RNF169: variants seen among roughly 807,000 people sequenced by gnomAD.
RNF169 encodes the protein ring finger protein 169, also known as E3 ubiquitin-protein ligase RNF169.
In RNF169, 24 loss-of-function variants were observed where a neutral mutation model predicts 53.9. The ratio of observed to expected loss-of-function variants is 0.45; its 90% CI spans 0.32 to 0.63. The LOEUF (loss-of-function observed/expected upper bound fraction) is 0.63, where lower values mean the gene tolerates loss of function less well. Ranked by LOEUF, RNF169 falls within the 20% of genes least tolerant of loss-of-function variation. RNF169 has a pLI of 0.04. For missense variants in RNF169, 883 were observed against 906.2 expected (o/e 0.97, Z 0.33); for synonymous variants, 396 against 363.5 (o/e 1.09, Z -1.02).
At chr11:74,810,473 T>A in intron 3 of RNF169, 143 bp downstream of exon 3, 1 of 777,716 alleles carries the variant, frequency 1.3e-6, no homozygotes, top group Non-Finnish European at 2.2e-6. Context: ...GTGAAGAACT[T>A]ACGTCCAGGC....
At chr11:74,776,533 A>AC (rs1208989553) in intron 1 of RNF169, among the ~76,000 whole-genome samples, 2 of 151,722 alleles carry the variant, frequency 1.3e-5, no homozygotes, top group East Asian at 3.9e-4. Context: ...AAAAAAAAAA[A>AC]ATTTAAGCCA....
At chr11:74,783,797 A>G (rs1422814104) in intron 1 of RNF169, among the ~76,000 whole-genome samples, 1 of 152,182 alleles carries the variant, frequency 6.6e-6, no homozygotes, top group African/African-American at 2.4e-5. Flanking sequence ...AAGGAAAGGG[A>G]AGTAAAGAGA....
intron 4 of RNF169, among the ~76,000 whole-genome samples, chr11:74,825,392 T>C (rs1279209783): frequency 6.6e-6 from 1 of 152,114 alleles, no homozygotes. Flanking sequence ...AGAAAATACT[T>C]TGAGAGGAAT....
At chr11:74,762,965 T>C (rs2135314717) in intron 1 of RNF169, among the ~76,000 whole-genome samples, 1 of 152,314 alleles carries the variant, frequency 6.6e-6, no homozygotes, top group South Asian at 2.1e-4. Flanking sequence ...AGAACTAAGA[T>C]TTCTGCATAA....
intron 2 of RNF169, among the ~76,000 whole-genome samples, chr11:74,799,900 T>G (rs1180346614): frequency 6.6e-6 from 1 of 151,174 alleles, no homozygotes; most frequent in Non-Finnish European, 1.5e-5. Flanking sequence ...AATTTAAGCT[T>G]AAGACTTTTT....
intron 3 of RNF169, among the ~76,000 whole-genome samples, chr11:74,814,872 G>T (rs1467908846): frequency 6.6e-6 from 1 of 152,104 alleles, no homozygotes; most frequent in Non-Finnish European, 1.5e-5. Flanking sequence ...ACTAGAAGTA[G>T]AGTGACCAGG....
intron 1 of RNF169, among the ~76,000 whole-genome samples, chr11:74,780,746 A>G (rs1295446536): frequency 6.6e-6 from 1 of 152,230 alleles, no homozygotes; most frequent in African/African-American, 2.4e-5. Flanking sequence ...TAACTAGAAA[A>G]GCTTGATTTA....
In RNF169 at chr11:74,749,346, C is replaced by A; in HGVS notation, c.466C>A (p.Pro156Thr). 1 of 1,225,132 alleles carries A rather than the reference C, an allele frequency of 8.2e-7. No homozygotes were observed. Among genetic ancestry groups the A allele is most frequent in the South Asian group, 3.9e-5 (1 of 25,932 alleles). The allele number at this position is 1,225,132 out of a possible 1,614,324, so 75.9% of individuals were successfully genotyped here. A position where few individuals can be genotyped will look rare whatever the true frequency, so the allele number is the denominator to read the frequency against. The part of the protein sequence containing the change: ...DGGAAAAGPR[P>T]EQEPRAAPAE... ...GGGCGCGGCTGCCGCGGGGCCCAGGCCAGAGCAGGAGCCGCGTGCCGCGCC... is the reference window on the plus strand; with the variant it reads ...GGGCGCGGCTGCCGCGGGGCCCAGGACAGAGCAGGAGCCGCGTGCCGCGCC... Residue 156 changes from proline (P) to threonine (T), a missense_variant, in exon 1 of 6, where the codon CCA (proline) becomes ACA (threonine). Around this residue, in one of 3 missense-constraint regions of RNF169, gnomAD observed 313 missense variants for 279.9 expected, o/e 1.12. Transcript: ENST00000299563.
In RNF169 at chr11:74,810,303, A is replaced by G. The variant is rs2035857751; in HGVS notation, c.696A>G (p.Pro232=). ...KMDEQKKRDE[P]LVLKTNLERC... is the part of the protein sequence containing the mutation. Reference sequence around the variant, plus strand: ...ATGAACAGAAAAAAAGAGATGAACCATTAGTACTGAAAACAAATCTGGAAC... The same window carrying G: ...ATGAACAGAAAAAAAGAGATGAACCGTTAGTACTGAAAACAAATCTGGAAC... Residue 232 remains proline (P), a synonymous_variant, in exon 3 of 6, where the codon CCA becomes CCG. Coordinates refer to ENST00000299563, the MANE Select transcript of RNF169 (RefSeq NM_001098638.2). 3.1e-6 allele frequency: 5 copies of G among 1,613,648 alleles called. No individual in the cohort carries two copies. Among genetic ancestry groups the G allele is most frequent in the African/African-American group, 1.3e-5 (1 of 75,008 alleles).
chr11:74,836,610 C>A lies in RNF169; in HGVS notation c.2007C>A (p.Asp669Glu), dbSNP rs779573235. ...AGAAGCTTCAGCAAGAGGAAGAAGA[C>A]CGACAGTTGGCTCTGCAGTTGCAGC... is the stretch of plus-strand genomic sequence containing the variant. ...MEQKLQQEEEDRQLALQLQRM... is the reference protein window; with the variant it reads ...MEQKLQQEEEERQLALQLQRM... Residue 669 changes from aspartate to glutamate, a missense_variant, in exon 6 of 6, where the codon GAC (aspartate) becomes GAA (glutamate). By Grantham distance (45) the Asp-to-Glu change is conservative. Coordinates refer to ENST00000299563, the MANE Select transcript of RNF169 (RefSeq NM_001098638.2). 9.9e-6 allele frequency: 16 copies of A among 1,613,998 alleles called. No individual in the cohort carries two copies. The Admixed American group carries it at 1.0e-4, about 10-fold the overall frequency.
At chr11:74,765,235 A>C (rs1001046049) in intron 1 of RNF169, among the ~76,000 whole-genome samples, 2 of 152,164 alleles carry the variant, frequency 1.3e-5, no homozygotes, top group African/African-American at 4.8e-5. Flanking sequence ...CCTGAAAAGA[A>C]ATACAATATA....
chr11:74,752,480 C>T (rs2034912676), intron 1 of RNF169, among the ~76,000 whole-genome samples: 1 of 151,828 alleles, frequency 6.6e-6, no homozygotes, highest in Non-Finnish European at 1.5e-5. Flanking sequence ...GCCTGTAGTT[C>T]CAGCTACTGG....
intron 1 of RNF169, among the ~76,000 whole-genome samples, chr11:74,760,054 G>A (rs1372091986): frequency 6.6e-6 from 1 of 151,404 alleles, no homozygotes; most frequent in Non-Finnish European, 1.5e-5. Context: ...TGTATGTGTC[G>A]AGGAATGTAT....
intron 2 of RNF169, among the ~76,000 whole-genome samples, chr11:74,795,201 G>T (rs1353092306): frequency 7.0e-6 from 1 of 143,324 alleles, no homozygotes; most frequent in African/African-American, 2.6e-5. Context: ...TGGTGTGTAT[G>T]TTTTTAATGT....
chr11:74,825,337 G>A (rs749961276), intron 4 of RNF169, among the ~76,000 whole-genome samples: 30 of 152,166 alleles, frequency 2.0e-4, no homozygotes, highest in Non-Finnish European at 4.0e-4. Context: ...GAAACAACAC[G>A]TTCTTTAAAA....
At chr11:74,812,230 ATG>A (rs1210947744) in intron 3 of RNF169, among the ~76,000 whole-genome samples, 2 of 152,206 alleles carry the variant, frequency 1.3e-5, no homozygotes, top group East Asian at 3.9e-4. Context: ...TGACCTATGA[ATG>A]TGTCAAGTTT....
intron 1 of RNF169, among the ~76,000 whole-genome samples, chr11:74,783,294 C>A (rs2035444154): frequency 6.6e-6 from 1 of 151,662 alleles, no homozygotes; most frequent in South Asian, 2.1e-4. Flanking sequence ...AGAGAAAATC[C>A]TTTTTCAGGA....
intron 3 of RNF169, among the ~76,000 whole-genome samples, chr11:74,810,836 C>T (rs1180803072): frequency 6.6e-6 from 1 of 152,108 alleles, no homozygotes; most frequent in Non-Finnish European, 1.5e-5. Flanking sequence ...TACTTATTTG[C>T]CAAGTAAATT....
chr11:74,800,539 C>T (rs993011589), intron 2 of RNF169, among the ~76,000 whole-genome samples: 1 of 152,026 alleles, frequency 6.6e-6, no homozygotes, highest in Non-Finnish European at 1.5e-5. Context: ...CATCATAGTA[C>T]CAAGCTTATA....
Sources: allele counts gnomAD v4.1 joint callset (sites outside exome capture counted in the v4.1 genomes callset), GRCh38; gene constraint gnomAD v4.1.1; regional missense constraint gnomAD v4.1.1; transcripts MANE v1.5; gene names NCBI Gene and HGNC (gene_info 2026-07-23, HGNC 2026-07-21).